Variants in DDAH1 observed in about 807,000 individuals in gnomAD.
DDAH1 encodes the protein N(G),N(G)-dimethylarginine dimethylaminohydrolase 1.
In DDAH1, 19 loss-of-function variants were observed where a neutral mutation model predicts 28.8. That is an observed-to-expected ratio of 0.66 (90% CI 0.46 to 0.97). The LOEUF (loss-of-function observed/expected upper bound fraction) is 0.97, where lower values mean the gene tolerates loss of function less well. Ranked by LOEUF, DDAH1 falls within the 50% of genes least tolerant of loss-of-function variation. The pLI, the probability that DDAH1 is intolerant of heterozygous loss-of-function variation, is 0.00. For synonymous variants in DDAH1, 153 were observed against 154.4 expected, an observed-to-expected ratio of 0.99 and a Z score of 0.07; for missense variants, 326 against 375.9, an observed-to-expected ratio of 0.87 and a Z score of 1.10.
At chr1:85,521,525 C>T (rs537998183) in intron 1 of DDAH1, 10 of 792,674 alleles carry the variant, frequency 1.3e-5, no homozygotes, top group African/African-American at 7.5e-5. Context: ...AGCCTTACCA[C>T]GGATTGCCTC....
At chr1:85,374,496 T>C (rs1557543510) in intron 1 of DDAH1, among the ~76,000 whole-genome samples, 1 of 152,128 alleles carries the variant, frequency 6.6e-6, no homozygotes, top group Non-Finnish European at 1.5e-5. Flanking sequence ...GAGAGGTTTA[T>C]TTAAAGCCCA....
At chr1:85,535,917 C>T (rs1400422493) in intron 1 of DDAH1, among the ~76,000 whole-genome samples, 1 of 152,182 alleles carries the variant, frequency 6.6e-6, no homozygotes, top group African/African-American at 2.4e-5. Context: ...AAACGGACAA[C>T]AGGTGAATGA....
chr1:85,470,411 A>G (rs539666231), intron 2 of DDAH1, among the ~76,000 whole-genome samples: 9 of 152,346 alleles, frequency 5.9e-5, no homozygotes, highest in African/African-American at 2.2e-4. Context: ...ACATGATTCA[A>G]TTATCTCCCA....
chr1:85,339,062 A>ATAT (rs566641032), intron 4 of DDAH1, among the ~76,000 whole-genome samples: 3 of 133,714 alleles, frequency 2.2e-5, no homozygotes, highest in East Asian at 2.3e-4. Context: ...AAAAAAAAAA[A>ATAT]ATATATATAT....
At chr1:85,487,241 G>A (rs1443041939) in intron 2 of DDAH1, among the ~76,000 whole-genome samples, 1 of 152,234 alleles carries the variant, frequency 6.6e-6, no homozygotes, top group Non-Finnish European at 1.5e-5. Flanking sequence ...ATTATTGAGA[G>A]TACTTGAGAA....
chr1:85,558,974 T>C (rs1386935863), intron 1 of DDAH1, among the ~76,000 whole-genome samples: 1 of 152,214 alleles, frequency 6.6e-6, no homozygotes, highest in Non-Finnish European at 1.5e-5. Context: ...TTAAATTCAA[T>C]ACTAACAAGG....
chr1:85,386,337 T>C (rs1477347406), intron 1 of DDAH1, among the ~76,000 whole-genome samples: 2 of 152,238 alleles, frequency 1.3e-5, no homozygotes, highest in African/African-American at 2.4e-5. Flanking sequence ...ACAATGTTTG[T>C]ACAGGCACTG....
At chr1:85,458,672 C>G (rs1158636294) in intron 1 of DDAH1, among the ~76,000 whole-genome samples, 3 of 152,006 alleles carry the variant, frequency 2.0e-5, no homozygotes, top group African/African-American at 7.3e-5. Context: ...CCTGAGATGT[C>G]TGACAGATTT....
At chr1:85,542,880 T>G (rs1658512611) in intron 1 of DDAH1, among the ~76,000 whole-genome samples, 1 of 152,144 alleles carries the variant, frequency 6.6e-6, no homozygotes. Flanking sequence ...TCACAAAAAT[T>G]TGTACAATAT....
intron 1 of DDAH1, among the ~76,000 whole-genome samples, chr1:85,425,680 A>C (rs1653362149): frequency 6.6e-6 from 1 of 152,174 alleles, no homozygotes; most frequent in African/African-American, 2.4e-5. Flanking sequence ...AAGGTAGTTT[A>C]AAATTTCCCT....
At chr1:85,528,751 G>A (rs2737812) in intron 1 of DDAH1, among the ~76,000 whole-genome samples, 62 of 152,258 alleles carry the variant, frequency 4.1e-4, no homozygotes, top group Non-Finnish European at 5.4e-4. Flanking sequence ...TGAGATGGGC[G>A]GATCACAAGG....
intron 4 of DDAH1, among the ~76,000 whole-genome samples, chr1:85,332,257 G>A (rs1352209565): frequency 6.6e-6 from 1 of 152,114 alleles, no homozygotes; most frequent in Non-Finnish European, 1.5e-5. Context: ...AGGGCTGCAG[G>A]GTGCAATGCA....
intron 1 of DDAH1, among the ~76,000 whole-genome samples, chr1:85,370,139 T>G (rs1341206219): frequency 1.3e-5 from 2 of 152,082 alleles, no homozygotes; most frequent in Non-Finnish European, 2.9e-5. Flanking sequence ...ATGAGGTCAT[T>G]AGGATGGGCC....
At chr1:85,503,372 T>G (rs1656887501) in intron 1 of DDAH1, among the ~76,000 whole-genome samples, 1 of 152,150 alleles carries the variant, frequency 6.6e-6, no homozygotes, top group Non-Finnish European at 1.5e-5. Flanking sequence ...GCTAATTTTT[T>G]GTATTTTTAG....
chr1:85,466,413 G>A (rs145593692), upstream of DDAH1, among the ~76,000 whole-genome samples: 2 of 152,240 alleles, frequency 1.3e-5, no homozygotes, highest in Non-Finnish European at 2.9e-5. Flanking sequence ...ACCACTCGCG[G>A]CTAATTTGTA....
intron 1 of DDAH1, among the ~76,000 whole-genome samples, chr1:85,538,244 G>A (rs1658353923): frequency 6.6e-6 from 1 of 152,212 alleles, no homozygotes. Context: ...GTGGACATGA[G>A]CTCATTCAAG....
chr1:85,567,693 T>C (rs1015553755), intron 1 of DDAH1, among the ~76,000 whole-genome samples: 1 of 152,194 alleles, frequency 6.6e-6, no homozygotes, highest in Non-Finnish European at 1.5e-5. Flanking sequence ...ATTCTAAATG[T>C]TTATCCATCT....
intron 1 of DDAH1, among the ~76,000 whole-genome samples, chr1:85,504,139 C>T (rs1303413131): frequency 6.6e-6 from 1 of 152,186 alleles, no homozygotes; most frequent in Non-Finnish European, 1.5e-5. Context: ...GACTCCAAGA[C>T]CCATTAGGAG....
intron 1 of DDAH1, among the ~76,000 whole-genome samples, chr1:85,447,501 A>G (rs1192135245): frequency 1.3e-5 from 2 of 152,202 alleles, no homozygotes; most frequent in Non-Finnish European, 2.9e-5. Flanking sequence ...GAGAGACTTC[A>G]TGTCCCTAAT....
Sources: allele counts gnomAD v4.1 joint callset (sites outside exome capture counted in the v4.1 genomes callset), GRCh38; gene constraint gnomAD v4.1.1; transcripts MANE v1.5; gene names NCBI Gene and HGNC (gene_info 2026-07-23, HGNC 2026-07-21).